Variants in TENM2 observed in about 807,000 individuals in gnomAD.
TENM2 encodes teneurin transmembrane protein 2.
In TENM2, 52 loss-of-function variants were observed where a neutral mutation model predicts 245.2. The observed-to-expected ratio is 0.21, with a 90% confidence interval of 0.17 to 0.27. The LOEUF (loss-of-function observed/expected upper bound fraction) is 0.27. Ranked by LOEUF, TENM2 falls within the 10% of genes least tolerant of loss-of-function variation. TENM2 has a pLI of 1.00. For missense variants in TENM2, 3,046 were observed against 3,666.8 expected, an observed-to-expected ratio of 0.83 and a Z score of 4.37; for synonymous variants, 1,363 against 1,438.9, an observed-to-expected ratio of 0.95 and a Z score of 1.19.
intron 1 of TENM2, among the ~76,000 whole-genome samples, chr5:167,342,976 A>G (rs1031868271): frequency 2.0e-5 from 3 of 151,440 alleles, no homozygotes; most frequent in South Asian, 2.1e-4. Flanking sequence ...ATTCTTCTAT[A>G]TGGGAGCGTT....
At chr5:167,101,849 T>TTTTATATATATATATATATA in the TENM2 span, among the ~76,000 whole-genome samples, 50 of 69,436 alleles carry the variant, frequency 7.2e-4, no homozygotes, top group African/African-American at 2.1e-3. Context: ...ATATATATAT[T>TTTTATATATATATATATATA]TATATATATA....
At chr5:167,478,439 T>C (rs894792014) in intron 2 of TENM2, among the ~76,000 whole-genome samples, 4 of 152,218 alleles carry the variant, frequency 2.6e-5, no homozygotes, top group Admixed American at 6.5e-5. Flanking sequence ...CGGCATAGAC[T>C]CTGGACTCTG....
the TENM2 span, among the ~76,000 whole-genome samples, chr5:167,223,074 A>T: frequency 6.6e-6 from 1 of 152,090 alleles, no homozygotes; most frequent in Non-Finnish European, 1.5e-5. Context: ...TTACATATTC[A>T]TGGGGTGCTT....
chr5:167,454,572 T>C (rs143093200), intron 2 of TENM2, among the ~76,000 whole-genome samples: 1 of 152,204 alleles, frequency 6.6e-6, no homozygotes, highest in East Asian at 1.9e-4. Flanking sequence ...TTTCTTTGTG[T>C]GTATGTGTGC....
intron 2 of TENM2, among the ~76,000 whole-genome samples, chr5:167,806,106 G>A (rs796860509): frequency 3.9e-5 from 6 of 152,254 alleles, no homozygotes; most frequent in African/African-American, 1.4e-4. Flanking sequence ...GGTAGGCTGT[G>A]AGAGGACTGA....
exon 12 of TENM2, chr5:168,126,951 G>C: frequency 6.2e-7 from 1 of 1,605,814 alleles, no homozygotes; most frequent in East Asian, 2.2e-5. Flanking sequence ...TAGGCAAACG[G>C]CAGGCACCGA....
At chr5:168,180,073 A>C (rs1562251741) in intron 13 of TENM2, among the ~76,000 whole-genome samples, 1 of 152,148 alleles carries the variant, frequency 6.6e-6, no homozygotes, top group Admixed American at 6.5e-5. Context: ...GTTGGGCCTG[A>C]TCACCAAAAG....
rs1759883254 is a variant in TENM2 at position 168,181,504 on chromosome 5, C to T, written c.2570-8833C>T. Reference sequence around the variant, plus strand: ...CCTCTCTGCCAGATCTCTGGTCAGACATGATTCATCTTCCATGACTAAGTC... The same window carrying T: ...CCTCTCTGCCAGATCTCTGGTCAGATATGATTCATCTTCCATGACTAAGTC... On this transcript the variant is annotated intron_variant, in intron 13 of 28. Transcript: ENST00000518659. Among the ~76,000 whole-genome samples the T allele has an allele frequency of 2.0e-5, 3 of 152,210 alleles. No homozygotes were observed. The South Asian group carries it at 6.2e-4, about 32-fold the overall frequency.
At chr5:168,238,217 G>GA (rs1340183386) in intron 25 of TENM2, among the ~76,000 whole-genome samples, 23 of 40,740 alleles carry the variant, frequency 5.6e-4, no homozygotes, top group African/African-American at 1.6e-3. Flanking sequence ...GAGGGAGGGA[G>GA]AGAGAAGAAA....
chr5:168,132,558 G>A (rs1458728323), intron 12 of TENM2, among the ~76,000 whole-genome samples: 1 of 152,330 alleles, frequency 6.6e-6, no homozygotes, highest in African/African-American at 2.4e-5. Flanking sequence ...GGACTAGCTT[G>A]TGGCTCACAG....
the TENM2 span, among the ~76,000 whole-genome samples, chr5:167,029,229 A>G: frequency 1.5e-3 from 234 of 152,314 alleles, no homozygotes; most frequent in African/African-American, 5.2e-3. Flanking sequence ...TTTTCAGTAT[A>G]GGAAGCTGAG....
chr5:168,047,303 A>G, intron 5 of TENM2, 124 bp from the exon 8 acceptor site: 2 of 1,126,538 alleles, frequency 1.8e-6, no homozygotes, highest in Admixed American at 2.1e-5. Flanking sequence ...GGCCTGGGGC[A>G]AGCCATTTTT....
At chr5:168,046,116 G>A (rs1192167344) in intron 5 of TENM2, among the ~76,000 whole-genome samples, 1 of 152,136 alleles carries the variant, frequency 6.6e-6, no homozygotes, top group East Asian at 1.9e-4. Context: ...CTTCATCTGT[G>A]GCCATCAATC....
intron 4 of TENM2, among the ~76,000 whole-genome samples, chr5:167,986,649 A>G (rs949168175): frequency 6.6e-6 from 1 of 152,204 alleles, no homozygotes; most frequent in Non-Finnish European, 1.5e-5. Flanking sequence ...GTTGTGCTTG[A>G]AAAACGTCAA....
At chr5:168,015,144 G>T (rs1785550255) in intron 5 of TENM2, among the ~76,000 whole-genome samples, 1 of 152,198 alleles carries the variant, frequency 6.6e-6, no homozygotes, top group African/African-American at 2.4e-5. Flanking sequence ...TTCCTCTCAA[G>T]TAAAGGACCG....
intron 5 of TENM2, among the ~76,000 whole-genome samples, chr5:168,044,975 C>CA (rs1047576507): frequency 1.2e-4 from 18 of 151,106 alleles, no homozygotes; most frequent in African/African-American, 4.4e-4. Flanking sequence ...CAGACGCTCC[C>CA]AAAAAACAAG....
chr5:167,084,578 A>G, the TENM2 span, among the ~76,000 whole-genome samples: 5 of 151,682 alleles, frequency 3.3e-5, no homozygotes, highest in South Asian at 8.4e-4. Flanking sequence ...ACAACACTCC[A>G]TGGTACACTA....
In TENM2 at chr5:167,882,154, G is replaced by A. The variant is rs74506757; in HGVS notation, c.712+5959G>A. 1.0e-3 allele frequency among the ~76,000 whole-genome samples: 155 copies of A among 152,282 alleles called. 1 individual carries two copies. In the South Asian group the frequency reaches 0.012, roughly 11 times the overall value. ...GAGATATACAACAGACAGTGAAAGC[G>A]TTGTATTAAAGGGCATGGGTTACAA... On this transcript the variant is annotated intron_variant, in intron 3 of 28. Transcript: ENST00000518659.
At chr5:167,906,177 G>A (rs547710240) in intron 3 of TENM2, among the ~76,000 whole-genome samples, 8 of 152,098 alleles carry the variant, frequency 5.3e-5, no homozygotes, top group African/African-American at 1.9e-4. Flanking sequence ...CCAGGAGTGA[G>A]GTTATTTTAA....
Sources: allele counts gnomAD v4.1 joint callset (sites outside exome capture counted in the v4.1 genomes callset), GRCh38; gene constraint gnomAD v4.1.1; transcripts MANE v1.5; gene names NCBI Gene and HGNC (gene_info 2026-07-23, HGNC 2026-07-21).